Variants in TBCK observed in about 807,000 individuals in gnomAD.
TBCK encodes the protein TBC1 domain containing kinase.
TBCK carries 99 observed loss-of-function variants against 113.4 expected under a neutral mutation model. The ratio of observed to expected loss-of-function variants is 0.87; its 90% CI spans 0.74 to 1.03. The LOEUF is 1.03. Among genes scored for constraint, TBCK ranks in the 50% least tolerant of loss-of-function variants. TBCK has a pLI of 0.00. For missense variants in TBCK, 1,045 were observed against 1,061.3 expected, an observed-to-expected ratio of 0.98 and a Z score of 0.21; for synonymous variants, 369 against 370.8, an observed-to-expected ratio of 1.00 and a Z score of 0.05.
At chr4:106,115,478 C>G (rs748410465) in intron 24 of TBCK, among the ~76,000 whole-genome samples, 14 of 152,100 alleles carry the variant, frequency 9.2e-5, no homozygotes, top group African/African-American at 3.1e-4. Context: ...TGTTATAAAT[C>G]TGAACTTATG....
chr4:106,121,155 C>T (rs1324081936), intron 23 of TBCK, among the ~76,000 whole-genome samples: 6 of 151,826 alleles, frequency 4.0e-5, no homozygotes, highest in Admixed American at 3.3e-4. Flanking sequence ...CACACATAGG[C>T]TCAAAATAAA....
At chr4:106,251,116 A>C in intron 6 of TBCK, 4 of 396,926 alleles carry the variant, frequency 1.0e-5, no homozygotes, top group Middle Eastern at 3.5e-4. Flanking sequence ...TTGTGTGCCA[A>C]ATTGGACTCT....
At chr4:106,254,669 T>C (rs543561003) in intron 5 of TBCK, among the ~76,000 whole-genome samples, 5 of 152,136 alleles carry the variant, frequency 3.3e-5, no homozygotes, top group Non-Finnish European at 2.9e-5. Flanking sequence ...TCATTTTTCA[T>C]ATGATGTCAG....
At chr4:106,122,759 A>T (rs1223818159) in intron 23 of TBCK, among the ~76,000 whole-genome samples, 2 of 152,152 alleles carry the variant, frequency 1.3e-5, no homozygotes, top group Non-Finnish European at 2.9e-5. Flanking sequence ...ATATAAACAG[A>T]GCCAAAGACA....
intron 19 of TBCK, among the ~76,000 whole-genome samples, chr4:106,213,998 T>C (rs1319003045): frequency 6.6e-6 from 1 of 152,144 alleles, no homozygotes; most frequent in Non-Finnish European, 1.5e-5. Flanking sequence ...GCAGTGGTTC[T>C]CCCAGCATGC....
At chr4:106,234,010 T>A (rs1209891764) in intron 15 of TBCK, among the ~76,000 whole-genome samples, 1 of 152,092 alleles carries the variant, frequency 6.6e-6, no homozygotes, top group Non-Finnish European at 1.5e-5. Context: ...CATGATAGAA[T>A]CATTAGGGCC....
Position 106,230,372 on chromosome 4 carries a change from C to T in TBCK, c.1765G>A (p.Val589Ile), listed in dbSNP as rs755550871. ...GAAGACATTTGCTTACCTTGTATTA[C>T]ATGTGAGTTGTCTTTTAAGAAGAAG... ...YNFFLKDNSH[V>I]IQEYLTVFSQ... The change falls in exon 19 of 26, where the codon GTA becomes ATA. Residue 589 changes from valine to isoleucine, a missense_variant. By Grantham distance (29) the Val-to-Ile change is conservative. Coordinates refer to ENST00000394708, the MANE Select transcript of TBCK (RefSeq NM_001163435.3). 6.3e-7 allele frequency: 1 copy of T among 1,588,360 alleles called. No individual in the cohort carries two copies. Among genetic ancestry groups the T allele is most frequent in the Non-Finnish European group, 8.6e-7 (1 of 1,161,398 alleles).
intron 23 of TBCK, among the ~76,000 whole-genome samples, chr4:106,160,844 G>A (rs928198608): frequency 1.3e-5 from 2 of 151,932 alleles, no homozygotes; most frequent in African/African-American, 2.4e-5. Context: ...GTTTACAATC[G>A]CTAAAATGTG....
intron 20 of TBCK, among the ~76,000 whole-genome samples, chr4:106,196,306 T>G (rs149157234): frequency 2.0e-5 from 3 of 151,864 alleles, no homozygotes; most frequent in African/African-American, 4.8e-5. Context: ...AAAAATCTCC[T>G]TTGTCAATAG....
At position 106,292,819 on chromosome 4, in the gene TBCK, T is replaced by C. The variant is rs145653948; in HGVS notation, c.266+2275A>G. Among the ~76,000 whole-genome samples, 258 of 152,278 alleles carry C rather than the reference T, an allele frequency of 1.7e-3. 1 individual carries two copies. Among genetic ancestry groups the C allele is most frequent in the African/African-American group, 5.8e-3 (240 of 41,560 alleles). On this transcript the variant is annotated intron_variant, in intron 3 of 25. Transcript: ENST00000394708. ...AAGCTTGCTTCCTTATGTGACATAT[T>C]CAACCTGCTCAACAAACTCAATCTG... is the stretch of plus-strand genomic sequence containing the variant.
At chr4:106,160,561 C>T (rs1338292741) in intron 23 of TBCK, among the ~76,000 whole-genome samples, 2 of 151,382 alleles carry the variant, frequency 1.3e-5, no homozygotes, top group Non-Finnish European at 2.9e-5. Flanking sequence ...GATTCCACTG[C>T]ACATTTATTA....
intron 23 of TBCK, among the ~76,000 whole-genome samples, chr4:106,161,965 T>C (rs1007778933): frequency 4.6e-5 from 7 of 152,024 alleles, no homozygotes; most frequent in Non-Finnish European, 7.4e-5. Flanking sequence ...TTCTACAGTC[T>C]CCCAAAGCCT....
chr4:106,253,525 A>G (rs549116447), intron 5 of TBCK, among the ~76,000 whole-genome samples: 32 of 152,280 alleles, frequency 2.1e-4, no homozygotes, highest in African/African-American at 7.5e-4. Context: ...ACACAATGCC[A>G]AATGTTTTTC....
chr4:106,164,610 T>TC (rs1250022568), intron 23 of TBCK: 1 of 151,842 alleles, frequency 6.6e-6, no homozygotes, highest in Non-Finnish European at 1.5e-5. Context: ...TAACTTGTAT[T>TC]AAGTAAGGTT....
chr4:106,264,365 C>T (rs945723346), intron 3 of TBCK, among the ~76,000 whole-genome samples: 1 of 151,868 alleles, frequency 6.6e-6, no homozygotes, highest in Non-Finnish European at 1.5e-5. Flanking sequence ...ATGTATGATT[C>T]GGGCAGAGGC....
chr4:106,192,276 A>C (rs1394397643), intron 22 of TBCK, among the ~76,000 whole-genome samples: 1 of 152,020 alleles, frequency 6.6e-6, no homozygotes, highest in Non-Finnish European at 1.5e-5. Context: ...GAAAATGTAC[A>C]ATCAGCATTC....
intron 3 of TBCK, among the ~76,000 whole-genome samples, chr4:106,286,648 G>GA (rs1442894980): frequency 6.6e-6 from 1 of 152,096 alleles, no homozygotes. Flanking sequence ...GCAACATAAT[G>GA]AGACCCCTGT....
At position 106,046,696 on chromosome 4, in the gene TBCK, G is replaced by A. The variant is rs1048663138; in HGVS notation, c.2572-16C>T. ...GAGCTGCAAACTGGAAAAAAAAAGA[G>A]GCAAAATTTTTAGAGGATATACAGA... On this transcript the variant is annotated splice_polypyrimidine_tract_variant and intron_variant, in intron 25 of 25. Transcript: ENST00000394708. 4.7e-6 allele frequency: 7 copies of A among 1,477,132 alleles called. No homozygotes were observed. Among genetic ancestry groups the A allele is most frequent in the Non-Finnish European group, 5.6e-6 (6 of 1,062,200 alleles). The allele number at this position is 1,477,132 out of a possible 1,614,324, so 91.5% of individuals were successfully genotyped here. A position where few individuals can be genotyped will look rare whatever the true frequency, so the allele number is the denominator to read the frequency against.
Position 106,136,174 on chromosome 4 carries a change from T to A in TBCK, c.2236-19796A>T, listed in dbSNP as rs931490972. Reference sequence around the variant, plus strand: ...TTTCCTTTACTGTTATTTTTCCTTTTCTGTTATTTTTCCTTGGTCTATAAA... The same window carrying A: ...TTTCCTTTACTGTTATTTTTCCTTTACTGTTATTTTTCCTTGGTCTATAAA... On this transcript the variant is annotated intron_variant, in intron 23 of 25. Transcript: ENST00000394708. Among the ~76,000 whole-genome samples, 81 of 141,642 alleles carry A rather than the reference T, an allele frequency of 5.7e-4. 7 individuals carry two copies. Among genetic ancestry groups the A allele is most frequent in the African/African-American group, 1.6e-3 (65 of 40,042 alleles). 92.9% of individuals were successfully genotyped at this position (141,642 alleles called of 152,430 possible).
Sources: gnomAD v4.1 joint callset for allele counts (sites outside exome capture counted in the v4.1 genomes callset) on GRCh38, gnomAD v4.1.1 for gene constraint, MANE v1.5 for transcripts, NCBI Gene and HGNC (gene_info 2026-07-23, HGNC 2026-07-21) for gene names.